The following TAB2 variants were observed in gnomAD, a reference collection of about 807,000 sequenced individuals.
The protein encoded by TAB2 is TGF-beta activated kinase 1 (MAP3K7) binding protein 2, also known as TGF-beta-activated kinase 1 and MAP3K7-binding protein 2.
TAB2 carries 3 observed loss-of-function variants against 65.0 expected under a neutral mutation model. That is an observed-to-expected ratio of 0.05 (90% CI 0.02 to 0.12). The LOEUF (loss-of-function observed/expected upper bound fraction) is 0.12. Ranked by LOEUF, TAB2 falls within the 10% of genes least tolerant of loss-of-function variation. The pLI, the probability that TAB2 is intolerant of heterozygous loss-of-function variation, is 1.00. For synonymous variants in TAB2, 298 were observed against 285.1 expected, an observed-to-expected ratio of 1.05 and a Z score of -0.46; for missense variants, 623 against 840.3, an observed-to-expected ratio of 0.74 and a Z score of 3.20.
At position 149,403,269 on chromosome 6, in the gene TAB2, TATATATATATATATAC is replaced by T. The variant is rs1186403709; in HGVS notation, c.1939+4087_1939+4102del. ...AAAAATATATATATATATATATATA[TATATATATATATATAC>T]ACACACACACATATATATATATATA... is the stretch of plus-strand genomic sequence containing the variant. On this transcript the variant is annotated intron_variant, in intron 6 of 6. Transcript: ENST00000637181. 7.5e-4 allele frequency among the ~76,000 whole-genome samples: 36 copies of T among 47,802 alleles called. 2 individuals are homozygous for T. Among genetic ancestry groups the T allele is most frequent in the African/African-American group, 3.9e-3 (36 of 9,272 alleles). The allele number at this position is 47,802 out of a possible 152,430, so 31.4% of individuals were successfully genotyped here.
intron 1 of TAB2, among the ~76,000 whole-genome samples, chr6:149,235,241 C>A (rs1370320640): frequency 2.0e-5 from 3 of 152,170 alleles, no homozygotes; most frequent in African/African-American, 7.2e-5. Flanking sequence ...CGGTTTCAAT[C>A]CCGGATGACA....
intron 1 of TAB2, among the ~76,000 whole-genome samples, chr6:149,290,207 G>A (rs980873297): frequency 1.3e-5 from 2 of 152,094 alleles, no homozygotes; most frequent in African/African-American, 4.8e-5. Flanking sequence ...AGTTTTTCAG[G>A]TTAACTTTGG....
Position 149,286,286 on chromosome 6 carries a change from A to G in TAB2, c.-121+67510A>G, listed in dbSNP as rs546117175. Among the ~76,000 whole-genome samples, 23 of 152,366 alleles carry G rather than the reference A, an allele frequency of 1.5e-4. No homozygotes were observed. In the East Asian group the frequency reaches 4.4e-3, roughly 29 times the overall value. On this transcript the variant is annotated intron_variant, in intron 1 of 1. Coordinates refer to the TAB2 transcript ENST00000606202. ...ATATGAAAAACTATTTTCAAATATT[A>G]TTGATATGGTGCACATCTCTATACA...
chr6:149,400,298 C>T, intron 6 of TAB2: 3 of 1,407,692 alleles, frequency 2.1e-6, no homozygotes, highest in Non-Finnish European at 2.9e-6. Context: ...CCGCTGTCAC[C>T]TCCTGCTGCT....
In TAB2 at chr6:149,398,063, G is replaced by GT. The variant is rs1298072017; in HGVS notation, c.1858+2dup. On this transcript the variant is annotated splice_donor_variant, in intron 5 of 6. Transcript: ENST00000637181. LOFTEE classifies it high-confidence loss of function. ...GAAATTGATCTTTTTCAAGCCCGAG[G>GT]TAAAGTTCAGTGTATTTGTAGCTGA... The GT allele has an allele frequency of 6.2e-7, 1 of 1,612,578 alleles. No individual in the cohort carries two copies. Among genetic ancestry groups the GT allele is most frequent in the Admixed American group, 1.7e-5 (1 of 60,014 alleles).
chr6:149,253,942 G>GAGAAAGAA (rs1554254235), intron 1 of TAB2, among the ~76,000 whole-genome samples: 2 of 59,184 alleles, frequency 3.4e-5, no homozygotes, highest in South Asian at 6.4e-4. Flanking sequence ...AAGAAAGAAA[G>GAGAAAGAA]AGAAAGAAAG....
chr6:149,335,530 G>A (rs749592827), intron 1 of TAB2, among the ~76,000 whole-genome samples: 4 of 151,818 alleles, frequency 2.6e-5, no homozygotes, highest in Non-Finnish European at 5.9e-5. Context: ...ACCATGCCTG[G>A]CTAATACTTT....
intron 1 of TAB2, chr6:149,342,720 G>C (rs1780168343): frequency 1.3e-5 from 2 of 152,258 alleles, no homozygotes; most frequent in South Asian, 4.1e-4. Context: ...CCCTGGAAAA[G>C]AAGTATCCCG....
intron 2 of TAB2, among the ~76,000 whole-genome samples, chr6:149,377,440 C>G (rs1424358615): frequency 6.6e-6 from 1 of 151,500 alleles, no homozygotes; most frequent in East Asian, 2.0e-4. Flanking sequence ...TGGAGGCTAC[C>G]TTGAGCCTCC....
intron 1 of TAB2, among the ~76,000 whole-genome samples, chr6:149,271,229 A>T (rs992550321): frequency 1.1e-4 from 17 of 152,064 alleles, no homozygotes; most frequent in South Asian, 6.2e-4. Flanking sequence ...TATATTTTTT[A>T]AAAAAGAATA....
At chr6:149,303,518 T>C (rs1410780308) in intron 1 of TAB2, among the ~76,000 whole-genome samples, 4 of 152,216 alleles carry the variant, frequency 2.6e-5, no homozygotes, top group Non-Finnish European at 4.4e-5. Flanking sequence ...AATATAAACA[T>C]ACATAAATCT....
At chr6:149,308,972 G>A (rs535316089) in intron 1 of TAB2, among the ~76,000 whole-genome samples, 22 of 151,938 alleles carry the variant, frequency 1.4e-4, no homozygotes, top group South Asian at 4.2e-4. Context: ...CTTAATCACC[G>A]TATACATAGC....
chr6:149,290,972 C>A (rs567528685), intron 1 of TAB2, among the ~76,000 whole-genome samples: 2 of 152,344 alleles, frequency 1.3e-5, no homozygotes, highest in Admixed American at 6.5e-5. Flanking sequence ...ACAGGGTAAA[C>A]CCTATTTTCA....
At chr6:149,399,235 T>G (rs550467611) in intron 6 of TAB2, 51 bp downstream of exon 6, 16 of 1,513,908 alleles carry the variant, frequency 1.1e-5, no homozygotes, top group Non-Finnish European at 7.3e-6. Context: ...AAGCAAAATT[T>G]TAGAAAATTT....
chr6:149,282,303 A>C (rs1778590226), intron 1 of TAB2, among the ~76,000 whole-genome samples: 1 of 152,238 alleles, frequency 6.6e-6, no homozygotes, highest in Admixed American at 6.5e-5. Context: ...AGAAATATAC[A>C]AATCTATCAT....
chr6:149,290,567 G>A (rs1488128416), intron 1 of TAB2, among the ~76,000 whole-genome samples: 2 of 152,100 alleles, frequency 1.3e-5, no homozygotes, highest in Admixed American at 6.5e-5. Context: ...ATTTAGGCTG[G>A]GCATGGTGGC....
At chr6:149,238,554 T>C (rs190067443) in intron 1 of TAB2, among the ~76,000 whole-genome samples, 1 of 152,272 alleles carries the variant, frequency 6.6e-6, no homozygotes, top group East Asian at 1.9e-4. Context: ...CAAACACCCA[T>C]TGCCCTGGGC....
intron 1 of TAB2, among the ~76,000 whole-genome samples, chr6:149,310,923 A>G (rs1028836930): frequency 1.3e-5 from 2 of 152,164 alleles, no homozygotes; most frequent in Admixed American, 1.3e-4. Flanking sequence ...TCTACCATGG[A>G]AATTGATCTT....
chr6:149,389,060 A>G (rs544714790), intron 3 of TAB2, among the ~76,000 whole-genome samples: 12 of 150,968 alleles, frequency 7.9e-5, no homozygotes, highest in Non-Finnish European at 1.6e-4. Flanking sequence ...GGTTCAAGCA[A>G]TTCCCCTGCC....
Sources: allele counts gnomAD v4.1 joint callset (sites outside exome capture counted in the v4.1 genomes callset), GRCh38; gene constraint gnomAD v4.1.1; transcripts MANE v1.5; gene names NCBI Gene and HGNC (gene_info 2026-07-23, HGNC 2026-07-21).